The following CTNNA2 variants were observed in gnomAD, a reference collection of about 807,000 sequenced individuals.
The protein encoded by CTNNA2 is catenin alpha 2.
A neutral mutation model predicts 101.0 loss-of-function variants in CTNNA2; 42 were observed. The ratio of observed to expected loss-of-function variants is 0.42; its 90% CI spans 0.32 to 0.54. The LOEUF (loss-of-function observed/expected upper bound fraction) is 0.54. CTNNA2 is among the 20% of genes least tolerant of loss of function. The pLI, the probability that CTNNA2 is intolerant of heterozygous loss-of-function variation, is 0.14. For synonymous variants in CTNNA2, 450 were observed against 456.4 expected (o/e 0.99, Z 0.18); for missense variants, 871 against 1,223.1 (o/e 0.71, Z 4.29).
At chr2:80,077,975 T>G (rs1283955029) in intron 7 of CTNNA2, among the ~76,000 whole-genome samples, 1 of 152,180 alleles carries the variant, frequency 6.6e-6, no homozygotes, top group African/African-American at 2.4e-5. Flanking sequence ...ATGTAGTATA[T>G]ATGAAATATA....
chr2:79,733,075 C>T (rs115158784), intron 2 of CTNNA2, among the ~76,000 whole-genome samples: 230 of 152,188 alleles, frequency 1.5e-3, no homozygotes, highest in African/African-American at 5.3e-3. Flanking sequence ...GAAGCGGGTT[C>T]GCTGGTGGCA....
chr2:79,847,882 A>G (rs532052487), intron 3 of CTNNA2, among the ~76,000 whole-genome samples: 1 of 152,262 alleles, frequency 6.6e-6, no homozygotes, highest in Admixed American at 6.5e-5. Flanking sequence ...TGCTTGTCCA[A>G]TCTAGATGGA....
At chr2:80,066,128 T>G (rs1167810616) in intron 7 of CTNNA2, among the ~76,000 whole-genome samples, 1 of 152,170 alleles carries the variant, frequency 6.6e-6, no homozygotes, top group Non-Finnish European at 1.5e-5. Context: ...ACCCTCACAT[T>G]GAGTAGAGTT....
At chr2:79,604,778 T>TGGAGATAGTA (rs1677777642) in intron 1 of CTNNA2, among the ~76,000 whole-genome samples, 1 of 152,208 alleles carries the variant, frequency 6.6e-6, no homozygotes, top group African/African-American at 2.4e-5. Flanking sequence ...AGGATGAGAC[T>TGGAGATAGTA]CTTACCTTAG....
chr2:79,548,982 G>A (rs975997450), intron 1 of CTNNA2, among the ~76,000 whole-genome samples: 1 of 152,108 alleles, frequency 6.6e-6, no homozygotes, highest in African/African-American at 2.4e-5. Context: ...TCAAATAAAA[G>A]GCTGTTCATT....
At chr2:79,866,171 C>T (rs1682080331) in intron 4 of CTNNA2, among the ~76,000 whole-genome samples, 1 of 152,178 alleles carries the variant, frequency 6.6e-6, no homozygotes, top group African/African-American at 2.4e-5. Context: ...CTATTTTGAA[C>T]AGGCCTGCGA....
At chr2:79,701,203 G>A (rs1684978792) in intron 2 of CTNNA2, among the ~76,000 whole-genome samples, 1 of 152,102 alleles carries the variant, frequency 6.6e-6, no homozygotes, top group African/African-American at 2.4e-5. Flanking sequence ...AGTGCCACTT[G>A]TATCCCACAG....
At chr2:79,852,799 C>T (rs1052606235) in intron 3 of CTNNA2, among the ~76,000 whole-genome samples, 1 of 151,986 alleles carries the variant, frequency 6.6e-6, no homozygotes, top group Non-Finnish European at 1.5e-5. Context: ...ACCATATTGG[C>T]CAGAATGGTC....
intron 7 of CTNNA2, among the ~76,000 whole-genome samples, chr2:80,080,924 C>A (rs1699091563): frequency 7.3e-6 from 1 of 136,220 alleles, no homozygotes; most frequent in East Asian, 2.2e-4. Flanking sequence ...AGAAACCACT[C>A]ACAGGCGCAC....
rs537639520 is a variant in CTNNA2 at position 79,755,802 on chromosome 2, A to G, written c.298+11220A>G. The stretch of plus-strand genomic sequence containing the variant: ...TCTCTTTGCCATGGAAAAGTATGCT[A>G]TCTAGGAATGAAATCAATTCTCAGA... On this transcript the variant is annotated intron_variant, in intron 3 of 18. Coordinates refer to ENST00000402739, the MANE Select transcript of CTNNA2 (RefSeq NM_001282597.3). Among the ~76,000 whole-genome samples, 5 of 152,304 alleles carry G rather than the reference A, an allele frequency of 3.3e-5. No homozygotes were observed. The East Asian group carries it at 5.8e-4, about 18-fold the overall frequency.
intron 2 of CTNNA2, among the ~76,000 whole-genome samples, chr2:79,674,997 T>C (rs1283742233): frequency 2.0e-5 from 3 of 152,228 alleles, no homozygotes; most frequent in Admixed American, 6.5e-5. Flanking sequence ...TTCTCATTTT[T>C]AAATATCTTG....
rs544211515 is a variant in CTNNA2 at position 79,522,742 on chromosome 2, A to C, written c.-6+9535A>C. On this transcript the variant is annotated intron_variant, in intron 1 of 18. Coordinates refer to ENST00000402739, the MANE Select transcript of CTNNA2 (RefSeq NM_001282597.3). ...AACTAAAGCTGGGACACTGATAACT[A>C]CTCGGTAGGTAGCTGAAAAGTGAGA... Among the ~76,000 whole-genome samples, 234 of 152,282 alleles carry C rather than the reference A, an allele frequency of 1.5e-3. No individual in the cohort carries two copies. In the Middle Eastern group the frequency reaches 0.017, roughly 11 times the overall value.
At chr2:79,223,212 A>G (rs1674367606) in intron 2 of CTNNA2, among the ~76,000 whole-genome samples, 1 of 152,124 alleles carries the variant, frequency 6.6e-6, no homozygotes, top group African/African-American at 2.4e-5. Context: ...TCTGTCTACT[A>G]TATTAAGTCA....
At chr2:80,474,017 T>C (rs954992776) in intron 9 of CTNNA2, among the ~76,000 whole-genome samples, 1 of 152,212 alleles carries the variant, frequency 6.6e-6, no homozygotes, top group Non-Finnish European at 1.5e-5. Context: ...CAGGCACAGC[T>C]GCCCCTTGGA....
At chr2:80,445,652 A>G (rs1010053515) in intron 9 of CTNNA2, among the ~76,000 whole-genome samples, 3 of 152,136 alleles carry the variant, frequency 2.0e-5, no homozygotes, top group African/African-American at 7.2e-5. Flanking sequence ...AACAAATTTG[A>G]TTTTTAACAA....
chr2:80,021,952 G>C (rs1186272715), intron 7 of CTNNA2, among the ~76,000 whole-genome samples: 1 of 152,118 alleles, frequency 6.6e-6, no homozygotes, highest in South Asian at 2.1e-4. Flanking sequence ...TTATACTACA[G>C]TTTACAATAG....
chr2:79,418,542 G>A (rs1295815984), intron 4 of CTNNA2, among the ~76,000 whole-genome samples: 1 of 152,092 alleles, frequency 6.6e-6, no homozygotes, highest in Non-Finnish European at 1.5e-5. Context: ...AGTCTTTCCT[G>A]ACCAAGGCTT....
At chr2:79,343,616 C>T (rs564855841) in intron 3 of CTNNA2, among the ~76,000 whole-genome samples, 2 of 152,116 alleles carry the variant, frequency 1.3e-5, no homozygotes, top group South Asian at 2.1e-4. Context: ...GTGGCACACA[C>T]ATGACCCAGT....
intron 7 of CTNNA2, among the ~76,000 whole-genome samples, chr2:80,178,219 A>G (rs990051014): frequency 6.6e-6 from 1 of 152,202 alleles, no homozygotes; most frequent in Non-Finnish European, 1.5e-5. Flanking sequence ...CTGTTCACGT[A>G]CATACATATC....
Sources: allele counts gnomAD v4.1 joint callset (sites outside exome capture counted in the v4.1 genomes callset), GRCh38; gene constraint gnomAD v4.1.1; transcripts MANE v1.5; gene names NCBI Gene and HGNC (gene_info 2026-07-23, HGNC 2026-07-21).